ACOX3: variants seen among roughly 807,000 people sequenced by gnomAD.
ACOX3 encodes the protein peroxisomal acyl-coenzyme A oxidase 3.
In ACOX3, 73 loss-of-function variants were observed where a neutral mutation model predicts 81.5. The observed-to-expected ratio is 0.90, with a 90% CI of 0.74 to 1.09. The LOEUF is 1.09. Ranked by LOEUF, ACOX3 falls within the 50% of genes least tolerant of loss-of-function variation. The pLI is 0.00. For missense variants in ACOX3, 947 were observed against 928.0 expected (o/e 1.02, Z -0.27); for synonymous variants, 387 against 375.1 (o/e 1.03, Z -0.37).
At chr4:8,356,483 C>T in the ACOX3 span, 1 of 445,442 alleles carries the variant, frequency 2.2e-6, no homozygotes, top group Non-Finnish European at 4.6e-6. Flanking sequence ...ATTCATGTTA[C>T]TTGACTGGGA....
chr4:8,404,435 CTT>C (rs370622347), intron 7 of ACOX3, among the ~76,000 whole-genome samples: 7,963 of 125,168 alleles, frequency 0.064, 335 homozygotes, highest in African/African-American at 0.14. Flanking sequence ...TCTTGTTTTG[CTT>C]TTTTTTTTTT....
chr4:8,415,134 C>G (rs971562080), intron 3 of ACOX3, among the ~76,000 whole-genome samples: 1 of 152,210 alleles, frequency 6.6e-6, no homozygotes, highest in Non-Finnish European at 1.5e-5. Flanking sequence ...ACACAGCTGC[C>G]CCGGGTCCCT....
At chr4:8,379,132 C>G (rs982359069) in intron 14 of ACOX3, among the ~76,000 whole-genome samples, 16 of 152,238 alleles carry the variant, frequency 1.1e-4, no homozygotes, top group Non-Finnish European at 2.1e-4. Context: ...TTTAGAGCGT[C>G]TTTTGCAATG....
chr4:8,389,770 C>A lies in ACOX3; in HGVS notation c.1301-36G>T. 6.2e-7 allele frequency: 1 copy of A among 1,608,102 alleles called. No individual in the cohort carries two copies. Among genetic ancestry groups the A allele is most frequent in the Admixed American group, 1.7e-5 (1 of 59,932 alleles). On this transcript the variant is annotated intron_variant, in intron 11 of 17. Transcript: ENST00000356406. This position sits in a 1 kb window ranked among gnomAD's most constrained non-coding sequence, Gnocchi z 5.3. ...GCCACAATAGTACCATCATTTAAGA[C>A]GCATATTTGAGAAGCAGCCTGTCAC...
At chr4:8,392,071 G>T (rs1438709980) in intron 11 of ACOX3, among the ~76,000 whole-genome samples, 1 of 152,250 alleles carries the variant, frequency 6.6e-6, no homozygotes, top group East Asian at 1.9e-4. Flanking sequence ...CAATGGACCA[G>T]AGAGTAAATA....
chr4:8,422,891 C>G (rs1386407631), intron 1 of ACOX3, among the ~76,000 whole-genome samples: 2 of 152,212 alleles, frequency 1.3e-5, no homozygotes, highest in Non-Finnish European at 2.9e-5. Context: ...TAAGCTGCCC[C>G]TCATCCATGC....
chr4:8,366,794 C>T lies in ACOX3; in HGVS notation c.*167G>A. The stretch of plus-strand genomic sequence containing the variant: ...GATTAGTCCAGCCGGCCGGGTGCCT[C>T]CCTCCCGTCCGCCTGGGCAGTTGAG... On this transcript the variant is annotated 3_prime_UTR_variant, in exon 18 of 18. Coordinates refer to ENST00000356406, the MANE Select transcript of ACOX3 (RefSeq NM_003501.3). The T allele has an allele frequency of 1.1e-6, 1 of 882,110 alleles. No homozygotes were observed. The highest frequency in any genetic ancestry group is 1.7e-6 in the Non-Finnish European group (1 of 600,968). 54.6% of individuals were successfully genotyped at this position (882,110 alleles called of 1,614,324 possible).
intron 1 of ACOX3, among the ~76,000 whole-genome samples, chr4:8,425,164 G>A (rs1460628003): frequency 6.6e-6 from 1 of 152,150 alleles, no homozygotes; most frequent in Non-Finnish European, 1.5e-5. Flanking sequence ...AGAGGTGGCA[G>A]TCTTACACTG....
At chr4:8,380,246 G>A (rs1717469233) in intron 14 of ACOX3, among the ~76,000 whole-genome samples, 1 of 146,450 alleles carries the variant, frequency 6.8e-6, no homozygotes, top group African/African-American at 2.6e-5. Context: ...CTGGAGTGCA[G>A]TGGTGCGATC....
chr4:8,396,854 G>C, intron 9 of ACOX3, 83 bp downstream of exon 9: 2 of 1,513,476 alleles, frequency 1.3e-6, no homozygotes, highest in Non-Finnish European at 1.8e-6. Flanking sequence ...TCAACTCCCA[G>C]TAACCAAACG....
intron 11 of ACOX3, among the ~76,000 whole-genome samples, chr4:8,391,019 A>ATGTATATGTATG (rs1283249426): frequency 8.0e-6 from 1 of 124,288 alleles, no homozygotes; most frequent in Non-Finnish European, 1.8e-5. Context: ...GTATGTGTAT[A>ATGTATATGTATG]TGTATATGTA....
At chr4:8,374,136 C>T in intron 15 of ACOX3, 1 of 184,914 alleles carries the variant, frequency 5.4e-6, no homozygotes, top group Non-Finnish European at 1.1e-5. Context: ...TGGTTTCTGG[C>T]AGGGCCCTAA....
chr4:8,371,013 C>G lies in ACOX3; in HGVS notation c.1897-19G>C. Reference sequence around the variant, plus strand: ...CTTTCAGCTGTTGGAAAACAAAGCCCAGACACTTGGCACCTCCCGGGAATT... The same window carrying G: ...CTTTCAGCTGTTGGAAAACAAAGCCGAGACACTTGGCACCTCCCGGGAATT... On this transcript the variant is annotated intron_variant, in intron 16 of 17. Coordinates refer to ENST00000356406, the MANE Select transcript of ACOX3 (RefSeq NM_003501.3). The G allele has an allele frequency of 6.2e-7, 1 of 1,612,262 alleles. No homozygotes were observed. Among genetic ancestry groups the G allele is most frequent in the Non-Finnish European group, 8.5e-7 (1 of 1,178,556 alleles).
chr4:8,410,562 C>T (rs1021172981), intron 5 of ACOX3, among the ~76,000 whole-genome samples: 3 of 152,158 alleles, frequency 2.0e-5, no homozygotes, highest in Non-Finnish European at 4.4e-5. Context: ...CTTAAAGAAC[C>T]TTCAGATGCA....
intron 15 of ACOX3, chr4:8,373,937 T>G: frequency 2.5e-6 from 1 of 399,242 alleles, no homozygotes; most frequent in Non-Finnish European, 4.6e-6. Context: ...TCAGGGAGGC[T>G]GGGCGGGTTC....
chr4:8,383,732 G>C (rs1717977269), intron 13 of ACOX3, among the ~76,000 whole-genome samples: 1 of 152,172 alleles, frequency 6.6e-6, no homozygotes, highest in Admixed American at 6.5e-5. Context: ...CTACCCTTCA[G>C]GACTTTACTG....
At position 8,414,749 on chromosome 4, in the gene ACOX3, A is replaced by G. The variant is rs1473346471; in HGVS notation, c.453+105T>C. 8 of 1,136,816 alleles carry G rather than the reference A, an allele frequency of 7.0e-6. No homozygotes were observed. The highest frequency in any genetic ancestry group is 9.2e-6 in the Non-Finnish European group (7 of 756,830). The allele number at this position is 1,136,816 out of a possible 1,614,324, so 70.4% of individuals were successfully genotyped here. On this transcript the variant is annotated intron_variant, in intron 4 of 17. Transcript: ENST00000356406. This position sits in a 1 kb window ranked among gnomAD's most constrained non-coding sequence, Gnocchi z 6.1. ...GAGAACACTAGGAAACAAGAAGAGC[A>G]TAAGCCCCCTGGGCACCCCCTTCTA...
chr4:8,398,212 T>C (rs1719935244), intron 8 of ACOX3, among the ~76,000 whole-genome samples: 1 of 152,132 alleles, frequency 6.6e-6, no homozygotes, highest in African/African-American at 2.4e-5. Context: ...CCTTTAAGGG[T>C]ATAAAATATG....
chr4:8,356,596 A>G, the ACOX3 span: 1 of 456,602 alleles, frequency 2.2e-6, no homozygotes, highest in Non-Finnish European at 4.4e-6. Context: ...GAAAGTGTGC[A>G]GAATGGTGTA....
Sources: gnomAD v4.1 joint callset for allele counts (sites outside exome capture counted in the v4.1 genomes callset) on GRCh38, gnomAD v4.1.1 for gene constraint, Gnocchi (gnomAD v3.1) non-coding constraint, MANE v1.5 for transcripts, NCBI Gene and HGNC (gene_info 2026-07-23, HGNC 2026-07-21) for gene names.